The following TTC8 variants were observed in gnomAD, a reference collection of about 807,000 sequenced individuals.
TTC8 encodes tetratricopeptide repeat domain 8.
TTC8 carries 47 observed loss-of-function variants against 72.5 expected under a neutral mutation model. The ratio of observed to expected loss-of-function variants is 0.65; its 90% CI spans 0.51 to 0.83. The LOEUF is 0.83. Ranked by LOEUF, TTC8 falls within the 40% of genes least tolerant of loss-of-function variation. TTC8 has a pLI of 0.00. For missense variants in TTC8, 611 were observed against 623.2 expected, an observed-to-expected ratio of 0.98 and a Z score of 0.21; for synonymous variants, 199 against 221.4, an observed-to-expected ratio of 0.90 and a Z score of 0.90.
intron 2 of TTC8, among the ~76,000 whole-genome samples, chr14:88,835,106 G>T (rs1180168556): frequency 6.6e-6 from 1 of 152,176 alleles, no homozygotes; most frequent in African/African-American, 2.4e-5. Flanking sequence ...CATTTTCATA[G>T]AGTAGGCAGA....
intron 3 of TTC8, among the ~76,000 whole-genome samples, chr14:88,839,795 G>T (rs1226522899): frequency 6.6e-6 from 1 of 151,986 alleles, no homozygotes; most frequent in Non-Finnish European, 1.5e-5. Context: ...TTAAACTTAA[G>T]GTATGAGATT....
chr14:88,874,432 A>C (rs1314762847), intron 13 of TTC8, among the ~76,000 whole-genome samples: 4 of 148,824 alleles, frequency 2.7e-5, no homozygotes, highest in East Asian at 4.0e-4. Context: ...TATGATCACA[A>C]AAAAAAAATG....
intron 2 of TTC8, among the ~76,000 whole-genome samples, chr14:88,837,730 A>C (rs1396796978): frequency 2.0e-5 from 3 of 152,214 alleles, no homozygotes; most frequent in Non-Finnish European, 4.4e-5. Context: ...AAATTAGAAC[A>C]TTAGCTCAAG....
At chr14:88,879,651 C>CATTATTATTATTATTATT (rs71130023), downstream of TTC8, 1 of 141,172 alleles carries the variant, frequency 7.1e-6, no homozygotes, top group African/African-American at 2.6e-5. Flanking sequence ...CGTGTCACTA[C>CATTATTATTATTATTATT]ATTATTATTA....
intron 3 of TTC8, among the ~76,000 whole-genome samples, chr14:88,840,555 A>G (rs1566836688): frequency 6.6e-6 from 1 of 152,238 alleles, no homozygotes; most frequent in East Asian, 1.9e-4. Context: ...TGAACTTTGG[A>G]GCCTGTTAGT....
chr14:88,825,733 G>GA (rs1351786469), intron 1 of TTC8, among the ~76,000 whole-genome samples: 1 of 152,122 alleles, frequency 6.6e-6, no homozygotes, highest in African/African-American at 2.4e-5. Context: ...ATGGAAAATT[G>GA]AAGGGAGTTA....
In TTC8 at chr14:88,857,229, A is replaced by G; in HGVS notation, c.750A>G (p.Ser250=). 6.2e-7 allele frequency: 1 copy of G among 1,613,962 alleles called. No homozygotes were observed. Among genetic ancestry groups the G allele is most frequent in the Non-Finnish European group, 8.5e-7 (1 of 1,179,916 alleles). Residue 250 remains serine (S), a synonymous_variant, in exon 9 of 15, where the codon TCA becomes TCG. Coordinates refer to ENST00000380656, the MANE Select transcript of TTC8 (RefSeq NM_144596.4). ...GTGAAGCAGAAAAACAGTTTAAATC[A>G]GCCCTGAAGCAGCAGGAAATGGTAG... ...MYREAEKQFK[S]ALKQQEMVDT... is the part of the protein sequence containing the mutation.
intron 11 of TTC8, 76 bp downstream of exon 11, chr14:88,870,274 G>A (rs2094928496): frequency 6.6e-7 from 1 of 1,515,514 alleles, no homozygotes; most frequent in African/African-American, 1.4e-5. Flanking sequence ...TGGAATGAAA[G>A]TATAGAGAAA....
At chr14:88,827,977 C>T (rs889718131) in intron 1 of TTC8, among the ~76,000 whole-genome samples, 1 of 152,070 alleles carries the variant, frequency 6.6e-6, no homozygotes, top group Non-Finnish European at 1.5e-5. Flanking sequence ...TGAATGAGTG[C>T]GTCGATCATG....
chr14:88,869,462 G>T (rs949438091), intron 10 of TTC8, among the ~76,000 whole-genome samples: 9 of 151,726 alleles, frequency 5.9e-5, no homozygotes, highest in African/African-American at 1.9e-4. Flanking sequence ...ATGCAAATAT[G>T]ATTGTTATTC....
chr14:88,864,737 C>G (rs1224157095), intron 10 of TTC8, among the ~76,000 whole-genome samples: 3 of 152,174 alleles, frequency 2.0e-5, no homozygotes, highest in African/African-American at 4.8e-5. Flanking sequence ...GGCAGTATTT[C>G]TGTCTTTTGC....
intron 7 of TTC8, among the ~76,000 whole-genome samples, chr14:88,845,981 G>T (rs560359710): frequency 2.0e-4 from 30 of 152,012 alleles, no homozygotes; most frequent in African/African-American, 6.8e-4. Context: ...GGGGGAGGAT[G>T]CTATTTTGGA....
intron 7 of TTC8, among the ~76,000 whole-genome samples, chr14:88,845,856 A>C (rs1003660009): frequency 2.0e-5 from 3 of 152,190 alleles, no homozygotes; most frequent in African/African-American, 7.2e-5. Flanking sequence ...TAGAGATAAT[A>C]TTCTGGTTGG....
chr14:88,855,329 T>G (rs1434082882), intron 8 of TTC8, among the ~76,000 whole-genome samples: 1 of 152,240 alleles, frequency 6.6e-6, no homozygotes, highest in African/African-American at 2.4e-5. Context: ...GTTGACACTT[T>G]ACAGTTTTGT....
chr14:88,865,194 A>T (rs759403421), intron 10 of TTC8, among the ~76,000 whole-genome samples: 6 of 152,104 alleles, frequency 3.9e-5, no homozygotes, highest in Non-Finnish European at 5.9e-5. Flanking sequence ...TTACCCTGGA[A>T]ATGTTATTCT....
At position 88,877,352 on chromosome 14, in the gene TTC8, A is replaced by G. The variant is rs2094961387; in HGVS notation, c.1490A>G (p.Asp497Gly). Residue 497 changes from aspartate to glycine, a missense_variant, in exon 15 of 15, where the codon GAC becomes GGC. Asp to Gly is a moderately conservative substitution (Grantham distance 94, BLOSUM62 -1). Coordinates refer to ENST00000380656, the MANE Select transcript of TTC8 (RefSeq NM_144596.4). The stretch of plus-strand genomic sequence containing the variant: ...CAGAAGTCTGAAGCAGCATTTCCAG[A>G]CCATGTGGACACACAACATTTAATT... ...AAQKSEAAFP[D>G]HVDTQHLIKQ... 3 of 1,613,866 alleles carry G rather than the reference A, an allele frequency of 1.9e-6. No individual in the cohort carries two copies. Among genetic ancestry groups the G allele is most frequent in the Non-Finnish European group, 2.5e-6 (3 of 1,179,814 alleles).
At position 88,858,272 on chromosome 14, in the gene TTC8, A is replaced by G. The variant is rs570572097; in HGVS notation, c.798+995A>G. On this transcript the variant is annotated intron_variant, in intron 9 of 14. Coordinates refer to ENST00000380656, the MANE Select transcript of TTC8 (RefSeq NM_144596.4). ...GCCACCATGCCTGGCCAGAATTTTC[A>G]ATAGTGGAGTAAAGTTACTTCTTGA... is the stretch of plus-strand genomic sequence containing the variant. Among the ~76,000 whole-genome samples the G allele has an allele frequency of 1.2e-3, 185 of 151,486 alleles. 1 individual carries two copies. Among genetic ancestry groups the G allele is most frequent in the African/African-American group, 4.4e-3 (181 of 41,324 alleles).
downstream of TTC8, chr14:88,878,945 G>C (rs1434714507): frequency 1.3e-5 from 2 of 152,196 alleles, no homozygotes; most frequent in Non-Finnish European, 2.9e-5. Context: ...TTCAGGTTTA[G>C]GCAGCGTGGC....
chr14:88,837,530 G>T (rs953667711), intron 2 of TTC8, among the ~76,000 whole-genome samples: 2 of 152,090 alleles, frequency 1.3e-5, no homozygotes, highest in African/African-American at 4.8e-5. Context: ...GGTAATATGG[G>T]AATGAACAAG....
Sources: allele counts gnomAD v4.1 joint callset (sites outside exome capture counted in the v4.1 genomes callset), GRCh38; gene constraint gnomAD v4.1.1; transcripts MANE v1.5; gene names NCBI Gene and HGNC (gene_info 2026-07-23, HGNC 2026-07-21).